Variants in ST3GAL5 observed in about 807,000 individuals in gnomAD.
ST3GAL5 encodes the protein lactosylceramide alpha-2,3-sialyltransferase.
A neutral mutation model predicts 46.1 loss-of-function variants in ST3GAL5; 25 were observed. The observed-to-expected ratio is 0.54, with a 90% CI of 0.40 to 0.76. The LOEUF (loss-of-function observed/expected upper bound fraction) is 0.76. ST3GAL5 is among the 30% of genes least tolerant of loss of function. The pLI, the probability that ST3GAL5 is intolerant of heterozygous loss-of-function variation, is 0.00. For synonymous variants in ST3GAL5, 182 were observed against 192.7 expected (o/e 0.94, Z 0.46); for missense variants, 431 against 521.2 (o/e 0.83, Z 1.69).
At chr2:85,848,611 G>GAGACAA (rs1683110880) in intron 3 of ST3GAL5, 2 of 366,042 alleles carry the variant, frequency 5.5e-6, no homozygotes. Context: ...CAGTCACAAA[G>GAGACAA]AGACAAATAC....
chr2:85,888,010 G>T (rs977454247), intron 1 of ST3GAL5: 1 of 152,214 alleles, frequency 6.6e-6, no homozygotes, highest in Admixed American at 6.5e-5. Context: ...GTCAGCTAGA[G>T]ATTCTGCAGG....
At chr2:85,870,720 G>A (rs553235268) in intron 1 of ST3GAL5, among the ~76,000 whole-genome samples, 102 of 148,048 alleles carry the variant, frequency 6.9e-4, no homozygotes, top group African/African-American at 2.5e-3. Context: ...CTTGTTGCCC[G>A]GGCTGAAGTG....
At chr2:85,870,275 C>A (rs1685779797) in intron 1 of ST3GAL5, 1 of 468,486 alleles carries the variant, frequency 2.1e-6, no homozygotes, top group South Asian at 1.6e-5. Flanking sequence ...AGGGAAGAGG[C>A]ATATAAAGGG....
At chr2:85,867,591 T>C in intron 1 of ST3GAL5, 1 of 780,960 alleles carries the variant, frequency 1.3e-6, no homozygotes, top group Admixed American at 1.7e-5. Context: ...AAGAAACGTG[T>C]GATGGGGACT....
intron 1 of ST3GAL5, chr2:85,867,694 C>A: frequency 1.3e-6 from 1 of 779,408 alleles, no homozygotes; most frequent in East Asian, 2.4e-5. Flanking sequence ...ACACCCAGGT[C>A]TTAAATACCA....
At chr2:85,847,460 A>C in intron 4 of ST3GAL5, 4 of 1,011,334 alleles carry the variant, frequency 4.0e-6, no homozygotes, top group Non-Finnish European at 4.7e-6. Context: ...TTTTTGTTTC[A>C]ACTTCTCAAA....
intron 2 of ST3GAL5, among the ~76,000 whole-genome samples, chr2:85,862,911 C>A (rs1181521357): frequency 6.6e-6 from 1 of 152,170 alleles, no homozygotes; most frequent in South Asian, 2.1e-4. Flanking sequence ...TTAATTCTAT[C>A]ACTTATTAGG....
intron 1 of ST3GAL5, among the ~76,000 whole-genome samples, chr2:85,886,870 A>G (rs907707825): frequency 1.3e-5 from 2 of 152,182 alleles, no homozygotes; most frequent in Admixed American, 1.3e-4. Flanking sequence ...GTATATTCCC[A>G]GTTGTTTTAC....
intron 3 of ST3GAL5, 131 bp from the exon 4 acceptor site, chr2:85,848,335 A>G: frequency 6.3e-7 from 1 of 1,592,432 alleles, no homozygotes; most frequent in South Asian, 1.1e-5. Context: ...AACACAGAAT[A>G]TTTGCTTTTT....
chr2:85,854,083 T>G (rs541711115), intron 3 of ST3GAL5: 10 of 152,224 alleles, frequency 6.6e-5, no homozygotes, highest in African/African-American at 2.4e-4. Context: ...CTGCCCCCCA[T>G]TCCTTCCTCT....
intron 6 of ST3GAL5, among the ~76,000 whole-genome samples, chr2:85,843,037 C>T (rs886992341): frequency 6.6e-6 from 1 of 152,164 alleles, no homozygotes; most frequent in African/African-American, 2.4e-5. Flanking sequence ...GGATTACAGG[C>T]GTCTGCAACC....
intron 4 of ST3GAL5, 182 bp from the exon 5 acceptor site, chr2:85,846,745 A>G (rs983164490): frequency 6.5e-6 from 4 of 615,084 alleles, no homozygotes; most frequent in Non-Finnish European, 8.6e-6. Flanking sequence ...TGCAGCCTTT[A>G]GTACTTGAGC....
At chr2:85,846,097 G>A (rs1380303058) in intron 5 of ST3GAL5, 1 of 383,324 alleles carries the variant, frequency 2.6e-6, no homozygotes, top group African/African-American at 2.1e-5. Flanking sequence ...TCGGGAGGCT[G>A]AGGCAGGAGA....
At chr2:85,844,761 G>C in intron 5 of ST3GAL5, 1 of 638,320 alleles carries the variant, frequency 1.6e-6, no homozygotes, top group South Asian at 1.8e-5. Flanking sequence ...CTTCACACAG[G>C]CGGCACTGGA....
chr2:85,879,586 G>T (rs978226983), intron 1 of ST3GAL5, among the ~76,000 whole-genome samples: 1 of 152,122 alleles, frequency 6.6e-6, no homozygotes, highest in African/African-American at 2.4e-5. Context: ...CATTATACAC[G>T]CAGAATCTGC....
At position 85,839,948 on chromosome 2, in the gene ST3GAL5, C is replaced by T. The variant is rs903344612; in HGVS notation, c.*196G>A. ...TAAGTTTCATTTACAAAATGGTGTGCAAAAACAAACACTGACCTCAAATAA... is the reference window on the plus strand; with the variant it reads ...TAAGTTTCATTTACAAAATGGTGTGTAAAAACAAACACTGACCTCAAATAA... On this transcript the variant is annotated 3_prime_UTR_variant, in exon 7 of 7. Transcript: ENST00000638572. 5 of 677,820 alleles carry T rather than the reference C, an allele frequency of 7.4e-6. No individual in the cohort carries two copies. In the African/African-American group the frequency reaches 9.1e-5, roughly 12 times the overall value. 42.0% of individuals were successfully genotyped at this position (677,820 alleles called of 1,614,324 possible).
At chr2:85,856,639 A>G (rs1684143699) in intron 3 of ST3GAL5, among the ~76,000 whole-genome samples, 1 of 151,826 alleles carries the variant, frequency 6.6e-6, no homozygotes, top group Admixed American at 6.6e-5. Flanking sequence ...GCATGATTAT[A>G]GCTCACTGTA....
At chr2:85,870,338 G>A in intron 1 of ST3GAL5, 1 of 443,894 alleles carries the variant, frequency 2.3e-6, no homozygotes, top group Non-Finnish European at 4.8e-6. Flanking sequence ...GGGTTTCGGA[G>A]GCGATGGTGG....
intron 1 of ST3GAL5, chr2:85,867,803 A>AC: frequency 1.5e-6 from 1 of 657,330 alleles, no homozygotes; most frequent in South Asian, 1.7e-5. Context: ...GACTGTTTTG[A>AC]CCTAAGGGCA....
Sources: allele counts gnomAD v4.1 joint callset (sites outside exome capture counted in the v4.1 genomes callset), GRCh38; gene constraint gnomAD v4.1.1; transcripts MANE v1.5; gene names NCBI Gene and HGNC (gene_info 2026-07-23, HGNC 2026-07-21).